GPAA1: variants seen among roughly 807,000 people sequenced by gnomAD.
GPAA1 encodes the protein glycosylphosphatidylinositol anchor attachment 1.
Under a neutral mutation model 64.0 loss-of-function variants are expected in GPAA1, and 54 were observed. The observed-to-expected ratio is 0.84, with a 90% CI of 0.68 to 1.06. The LOEUF (loss-of-function observed/expected upper bound fraction) is 1.06. Among genes scored for constraint, GPAA1 ranks in the 50% least tolerant of loss-of-function variants. The pLI is 0.00. For synonymous variants in GPAA1, 393 were observed against 377.3 expected (o/e 1.04, Z -0.48); for missense variants, 780 against 822.3 (o/e 0.95, Z 0.63).
chr8:144,083,026 C>T (rs564707885), intron 1 of GPAA1, 98 bp from the exon 2 acceptor site: 1 of 1,189,982 alleles, frequency 8.4e-7, no homozygotes, highest in African/African-American at 1.5e-5. Context: ...TTAGGTCTCC[C>T]AGACCCGCGC....
Position 144,083,186 on chromosome 8 carries a change from A to T in GPAA1, c.137A>T (p.Gln46Leu), listed in dbSNP as rs1835936525. Residue 46 changes from glutamine (Q) to leucine (L), a missense_variant, in exon 2 of 12, where the codon CAG becomes CTG. Transcript: ENST00000355091. ...GCGCTGGTTTTCCCGCCGCTGACCC[A>T]GCGCACTTACATGTCGGAGAACGCC... ...FLALVFPPLTQRTYMSENAMG... is the reference protein window; with the variant it reads ...FLALVFPPLTLRTYMSENAMG... 1 of 1,612,944 alleles carries T rather than the reference A, an allele frequency of 6.2e-7. No individual in the cohort carries two copies. Among genetic ancestry groups the T allele is most frequent in the East Asian group, 2.2e-5 (1 of 44,878 alleles).
Position 144,086,102 on chromosome 8 carries a change from T to G in GPAA1, c.1843T>G (p.Trp615Gly). Residue 615 changes from tryptophan (W) to glycine (G), a missense_variant, in exon 12 of 12, where the codon TGG becomes GGG. Trp to Gly is a radical substitution (Grantham distance 184). Transcript: ENST00000355091. ...CCTCTACCCCTGCTGGCTGCTTTTCTGGAATGTGCTCTTCTGGAAGTGAGA... is the reference window on the plus strand; with the variant it reads ...CCTCTACCCCTGCTGGCTGCTTTTCGGGAATGTGCTCTTCTGGAAGTGAGA... ...LGLYPCWLLF[W>G]NVLFWK 6.2e-7 allele frequency: 1 copy of G among 1,613,490 alleles called. No individual in the cohort carries two copies. The highest frequency in any genetic ancestry group is 8.5e-7 in the Non-Finnish European group (1 of 1,179,946).
chr8:144,085,293 T>C lies in GPAA1; in HGVS notation c.1265T>C (p.Val422Ala). The change falls in exon 10 of 12, where the codon GTG becomes GCG. Residue 422 changes from valine (V) to alanine (A), a missense_variant. Transcript: ENST00000355091. ...AAGAGCCTGTGTGCCCTGCAGGGTGTGGGGCTGGCCTCGCTCGTGGCACCT... is the reference window on the plus strand; with the variant it reads ...AAGAGCCTGTGTGCCCTGCAGGGTGCGGGGCTGGCCTCGCTCGTGGCACCT... The part of the protein sequence containing the change: ...PSVPLPPSQG[V>A]GLASLVAPLL... 6.2e-7 allele frequency: 1 copy of C among 1,601,382 alleles called. No homozygotes were observed. The highest frequency in any genetic ancestry group is 8.5e-7 in the Non-Finnish European group (1 of 1,173,232).
rs373519736 is a variant in GPAA1, at chr8:144,084,733, G to A, written c.1022G>A (p.Gly341Asp). The change falls in exon 8 of 12, where the codon GGC (glycine) becomes GAC (aspartate). Residue 341 changes from glycine (G) to aspartate (D), a missense_variant. Gly to Asp is a moderately conservative substitution (Grantham distance 94, BLOSUM62 -1). Coordinates refer to ENST00000355091, the MANE Select transcript of GPAA1 (RefSeq NM_003801.4). ...DLVAVGKALE[G>D]MFRKLNHLLE... ...CCCACACCTGACAGGGCTTTGGAGG[G>A]CATGTTCCGCAAGCTCAACCACCTC... 3.1e-6 allele frequency: 5 copies of A among 1,613,646 alleles called. No individual in the cohort carries two copies. The highest frequency in any genetic ancestry group is 1.3e-5 in the African/African-American group (1 of 74,912).
rs201647770 is a variant in GPAA1, at chr8:144,085,975, G to A, written c.1716G>A (p.Leu572=). 3 of 1,607,218 alleles carry A rather than the reference G, an allele frequency of 1.9e-6. No homozygotes were observed. The highest frequency in any genetic ancestry group is 8.5e-7 in the Non-Finnish European group (1 of 1,179,912). Residue 572 remains leucine, a synonymous_variant, in exon 12 of 12, where the codon CTG becomes CTA. Transcript: ENST00000355091. ...FLWRELQEAP[L]SLAEGWQLFL... is the part of the protein sequence containing the mutation. ...GGCGGGAGCTGCAGGAGGCGCCACT[G>A]TCACTGGCCGAGGGCTGGCAGCTCT...
In GPAA1 at chr8:144,084,202, A is replaced by C; in HGVS notation, c.685A>C (p.Ser229Arg). The change falls in exon 6 of 12, where the codon AGT becomes CGT. Residue 229 changes from serine (S) to arginine (R), a missense_variant. By Grantham distance (110) the Ser-to-Arg change is moderately radical. Transcript: ENST00000355091. ...IQAAVALELS[S>R]DVVTSLDVAV... ...GGCAGCCGTGGCCCTGGAGCTGAGC[A>C]GTGATGTGGTCACCAGCCTCGATGT... 3.1e-6 allele frequency: 5 copies of C among 1,613,370 alleles called. No homozygotes were observed. Among genetic ancestry groups the C allele is most frequent in the Non-Finnish European group, 3.4e-6 (4 of 1,179,930 alleles).
chr8:144,085,407 A>G lies in GPAA1; in HGVS notation c.1379A>G (p.Glu460Gly). ...GCCACCCAGCACTTCCCAGTGGCAG[A>G]GGCTGAGGCTGTGGTGCTGACACTG... The part of the protein sequence containing the change: ...HVATQHFPVA[E>G]AEAVVLTLLA... The change falls in exon 10 of 12, where the codon GAG becomes GGG. Residue 460 changes from glutamate (E) to glycine (G), a missense_variant. Transcript: ENST00000355091. 6.2e-7 allele frequency: 1 copy of G among 1,606,282 alleles called. No homozygotes were observed.
rs200999813 is a variant in GPAA1 at position 144,083,119 on chromosome 8, C to T, written c.75-5C>T. ...GCTCCGGTGCCCCTCCGTCCTCTCT[C>T]ACAGCGTGCTGAGCTACGTGGCGGG... On this transcript the variant is annotated splice_region_variant and splice_polypyrimidine_tract_variant and intron_variant, in intron 1 of 11. Coordinates refer to ENST00000355091, the MANE Select transcript of GPAA1 (RefSeq NM_003801.4). 5.2e-4 allele frequency: 845 copies of T among 1,611,034 alleles called. No individual in the cohort carries two copies. Among genetic ancestry groups the T allele is most frequent in the Non-Finnish European group, 6.7e-4 (795 of 1,179,318 alleles).
intron 1 of GPAA1, 104 bp downstream of exon 1, chr8:144,082,908 C>T: frequency 9.8e-7 from 1 of 1,020,930 alleles, no homozygotes; most frequent in South Asian, 1.9e-5. Context: ...CAGCTGCTCG[C>T]GCCCCTCCGG....
Position 144,085,028 on chromosome 8 carries a change from CCTTGATTGGG to C in GPAA1, c.1165-12_1165-3del, listed in dbSNP as rs782798400. The C allele has an allele frequency of 6.3e-7, 1 of 1,598,484 alleles. No homozygotes were observed. Among genetic ancestry groups the C allele is most frequent in the South Asian group, 1.1e-5 (1 of 88,928 alleles). On this transcript the variant is annotated splice_polypyrimidine_tract_variant and splice_region_variant and intron_variant, in intron 8 of 11. Transcript: ENST00000355091. ...ATCCCGTTACACCTCTTGTTGGGGT[CCTTGATTGGG>C]CTACGCTCTGGAACTGTGGATGCAG...
Position 144,085,109 on chromosome 8 carries a change from G to T in GPAA1, c.1231G>T (p.Gly411Cys). 1 of 1,604,680 alleles carries T rather than the reference G, an allele frequency of 6.2e-7. No homozygotes were observed. Among genetic ancestry groups the T allele is most frequent in the Non-Finnish European group, 8.5e-7 (1 of 1,174,316 alleles). ...CCTTGAGGAGCCCGGGGGTGCCCCT[G>T]GCCCCAGTGTACCCCTTCCCCCATC... is the stretch of plus-strand genomic sequence containing the variant. ...MGLEEPGGAP[G>C]PSVPLPPSQG... The change falls in exon 9 of 12, where the codon GGC becomes TGC. Residue 411 changes from glycine to cysteine, a missense_variant. Transcript: ENST00000355091.
In GPAA1 at chr8:144,084,232, G is replaced by C; in HGVS notation, c.715G>C (p.Val239Leu). The change falls in exon 6 of 12, where the codon GTG (valine) becomes CTG (leucine). Residue 239 changes from valine to leucine, a missense_variant. Val to Leu is a conservative substitution (Grantham distance 32, BLOSUM62 1). Coordinates refer to ENST00000355091, the MANE Select transcript of GPAA1 (RefSeq NM_003801.4). ...TGTGGTCACCAGCCTCGATGTGGCC[G>C]TGGAGGGGCTTAACGGGCAGCTGCC... ...SDVVTSLDVA[V>L]EGLNGQLPNL... 3 of 1,613,766 alleles carry C rather than the reference G, an allele frequency of 1.9e-6. No individual in the cohort carries two copies. The highest frequency in any genetic ancestry group is 2.2e-5 in the South Asian group (2 of 91,084).
In GPAA1 at chr8:144,085,576, G is replaced by A. The variant is rs782799847; in HGVS notation, c.1455G>A (p.Val485=). 56 of 1,613,160 alleles carry A rather than the reference G, an allele frequency of 3.5e-5. No homozygotes were observed. Among genetic ancestry groups the A allele is most frequent in the African/African-American group, 8.0e-5 (6 of 74,914 alleles). Residue 485 remains valine, a synonymous_variant, in exon 11 of 12, where the codon GTG becomes GTA. Transcript: ENST00000355091. ...CTCTGAGTCCTTTGTCTTACAGGGT[G>A]GTAAGCACACAGGCCCCAGACAGGG... The part of the protein sequence containing the change: ...GLALPHNTHR[V]VSTQAPDRGW...
At position 144,084,278 on chromosome 8, in the gene GPAA1, T is replaced by G; in HGVS notation, c.761T>G (p.Leu254Arg). Residue 254 changes from leucine to arginine, a missense_variant, in exon 6 of 12, where the codon CTC becomes CGC. Physicochemically the swap from Leu to Arg is moderately radical, Grantham distance 102 (BLOSUM62 -2). Transcript: ENST00000355091. ...CTGCCCAACCTTGACCTGCTCAATCTCTTCCAGACCTTCTGCCAGAAAGGG... is the reference window on the plus strand; with the variant it reads ...CTGCCCAACCTTGACCTGCTCAATCGCTTCCAGACCTTCTGCCAGAAAGGG... ...GQLPNLDLLN[L>R]FQTFCQKGGL... is the part of the protein sequence containing the mutation. 1.2e-6 allele frequency: 2 copies of G among 1,613,838 alleles called. No individual in the cohort carries two copies. The highest frequency in any genetic ancestry group is 1.7e-6 in the Non-Finnish European group (2 of 1,180,030).
chr8:144,084,613 A>G lies in GPAA1; in HGVS notation c.1010+4A>G. 2 of 1,609,884 alleles carry G rather than the reference A, an allele frequency of 1.2e-6. No homozygotes were observed. The highest frequency in any genetic ancestry group is 2.2e-5 in the South Asian group (2 of 90,972). ...ATGACCTGGTGGCAGTGGGCAAGTA[A>G]GTAGTCTCTGGTCCCCCCTTTCCAT... On this transcript the variant is annotated splice_donor_region_variant and intron_variant, in intron 7 of 11. Coordinates refer to ENST00000355091, the MANE Select transcript of GPAA1 (RefSeq NM_003801.4).
Position 144,084,442 on chromosome 8 carries a change from T to C in GPAA1, c.843T>C (p.Asp281=), listed in dbSNP as rs782109767. The C allele has an allele frequency of 3.7e-6, 6 of 1,612,872 alleles. No homozygotes were observed. Among genetic ancestry groups the C allele is most frequent in the South Asian group, 2.2e-5 (2 of 91,052 alleles). Residue 281 remains aspartate, a synonymous_variant, in exon 7 of 12, where the codon GAT becomes GAC. Transcript: ENST00000355091. ...AGCCCGAGGACTGGACATCATTGGATGGACCGCTGCAGGGCCTGCAGACAC... is the reference window on the plus strand; with the variant it reads ...AGCCCGAGGACTGGACATCATTGGACGGACCGCTGCAGGGCCTGCAGACAC... ...KLQPEDWTSL[D]GPLQGLQTLL... is the part of the protein sequence containing the mutation.
chr8:144,084,598 G>A lies in GPAA1; in HGVS notation c.999G>A (p.Val333=). 2 of 1,611,602 alleles carry A rather than the reference G, an allele frequency of 1.2e-6. No individual in the cohort carries two copies. Among genetic ancestry groups the A allele is most frequent in the African/African-American group, 1.3e-5 (1 of 74,986 alleles). ...NSFRQYKYDL[V]AVGKALEGMF... ...TCCGCCAGTACAAGTATGACCTGGT[G>A]GCAGTGGGCAAGTAAGTAGTCTCTG... Residue 333 remains valine, a synonymous_variant, in exon 7 of 12, where the codon GTG becomes GTA. Coordinates refer to ENST00000355091, the MANE Select transcript of GPAA1 (RefSeq NM_003801.4).
In GPAA1 at chr8:144,085,351, CTA is replaced by C; in HGVS notation, c.1325_1326del (p.Tyr442CysfsTer20). 1 of 1,610,132 alleles carries C rather than the reference CTA, an allele frequency of 6.2e-7. No homozygotes were observed. The highest frequency in any genetic ancestry group is 8.5e-7 in the Non-Finnish European group (1 of 1,179,798). ...LISQAMGLAL[Y>X]VLPVLGQHVA... ...TCTCACAGGCCATGGGACTGGCCCT[CTA>C]TGTCCTGCCAGTGCTGGGCCAACAC... On this transcript the variant is annotated frameshift_variant, in exon 10 of 12. Transcript: ENST00000355091. LOFTEE classifies it high-confidence loss of function.
chr8:144,085,529 A>G, intron 10 of GPAA1, 44 bp from the exon 11 acceptor site: 1 of 1,606,658 alleles, frequency 6.2e-7, no homozygotes, highest in African/African-American at 1.3e-5. Context: ...TCCCCTGGAC[A>G]TGCAGACAGC....
Sources: gnomAD v4.1 joint callset for allele counts on GRCh38, gnomAD v4.1.1 for gene constraint, MANE v1.5 for transcripts, NCBI Gene and HGNC (gene_info 2026-07-23, HGNC 2026-07-21) for gene names.